The following MTHFD2 variants were observed in gnomAD, a reference collection of about 807,000 sequenced individuals.
MTHFD2 encodes the protein methylenetetrahydrofolate dehydrogenase (NADP+ dependent) 2, methenyltetrahydrofolate cyclohydrolase.
A neutral mutation model predicts 36.8 loss-of-function variants in MTHFD2; 26 were observed. The ratio of observed to expected loss-of-function variants is 0.71; its 90% confidence interval spans 0.52 to 0.98. MTHFD2 has a LOEUF of 0.98. Ranked by LOEUF, MTHFD2 falls within the 50% of genes least tolerant of loss-of-function variation. The probability of loss-of-function intolerance (pLI) is 0.00; values close to 1 mark genes in which losing one functional copy is unlikely to be tolerated. For missense variants in MTHFD2, 373 were observed against 434.0 expected (o/e 0.86, Z 1.25); for synonymous variants, 164 against 155.2 (o/e 1.06, Z -0.42).
chr2:74,211,903 A>G (rs1312720608), intron 7 of MTHFD2, 37 bp downstream of exon 7: 5 of 1,567,294 alleles, frequency 3.2e-6, no homozygotes, highest in East Asian at 2.3e-5. Flanking sequence ...AATGAAATCA[A>G]TAAATACTAC....
chr2:74,212,355 T>A (rs1040078895), intron 7 of MTHFD2, among the ~76,000 whole-genome samples: 9 of 129,720 alleles, frequency 6.9e-5, no homozygotes, highest in African/African-American at 2.7e-4. Flanking sequence ...AGCCTCCACC[T>A]CACAGCTTCA....
intron 4 of MTHFD2, among the ~76,000 whole-genome samples, chr2:74,209,636 A>G (rs1201825309): frequency 1.3e-5 from 2 of 151,712 alleles, no homozygotes; most frequent in South Asian, 2.1e-4. Flanking sequence ...GCCTCAAGCA[A>G]TTCTCCTACC....
At chr2:74,212,164 CCTT>C (rs1301628854) in intron 7 of MTHFD2, among the ~76,000 whole-genome samples, 1 of 122,572 alleles carries the variant, frequency 8.2e-6, no homozygotes, top group Admixed American at 7.8e-5. Context: ...TCCTTCCCTT[CCTT>C]CTTTCTTTCC....
chr2:74,204,011 T>G (rs894397497), intron 1 of MTHFD2, among the ~76,000 whole-genome samples: 2 of 151,996 alleles, frequency 1.3e-5, no homozygotes, highest in Admixed American at 1.3e-4. Context: ...CCTCCTGGGT[T>G]CAAGCAATTC....
intron 3 of MTHFD2, 71 bp downstream of exon 3, chr2:74,207,897 T>TCCCTCC (rs1395854208): frequency 2.1e-6 from 3 of 1,406,874 alleles, no homozygotes. Flanking sequence ...CCTCTCTCTC[T>TCCCTCC]CCCTCCCCAT....
In MTHFD2 at chr2:74,210,785, G is replaced by GTTTTTTTGTTTTTT. The variant is rs1553449044; in HGVS notation, c.671-407_671-406insGTTTTTTTTTTTTT. Among the ~76,000 whole-genome samples, 7 of 132,052 alleles carry GTTTTTTTGTTTTTT rather than the reference G, an allele frequency of 5.3e-5. No individual in the cohort carries two copies. The South Asian group carries it at 1.4e-3, about 26-fold the overall frequency. 86.6% of individuals were successfully genotyped at this position (132,052 alleles called of 152,430 possible). On this transcript the variant is annotated intron_variant, in intron 5 of 7. Coordinates refer to ENST00000394053, the MANE Select transcript of MTHFD2 (RefSeq NM_006636.4). Reference sequence around the variant, plus strand: ...AAACATGGCACAAGCCATTAAGTCAGTTTTTTTTTTTTTTTTTCCTGGAGA... The same window carrying GTTTTTTTGTTTTTT: ...AAACATGGCACAAGCCATTAAGTCAGTTTTTTTGTTTTTTTTTTTTTTTTTTTTTTTCCTGGAGA...
At position 74,215,807 on chromosome 2, in the gene MTHFD2, T is replaced by G. The variant is rs183483844; in HGVS notation, c.*1565T>G. ...TGTTTTTAGTAGAGATGGGGTTTCA[T>G]CACATTGGCCAGGCTGGTCTCAAAC... On this transcript the variant is annotated 3_prime_UTR_variant, in exon 8 of 8. Coordinates refer to ENST00000394053, the MANE Select transcript of MTHFD2 (RefSeq NM_006636.4). 2.6e-5 allele frequency: 4 copies of G among 152,228 alleles called. No individual in the cohort carries two copies. In the East Asian group the frequency reaches 7.7e-4, roughly 29 times the overall value. The allele number at this position is 152,228 out of a possible 1,614,324, so 9.4% of individuals were successfully genotyped here. A position where few individuals can be genotyped will look rare whatever the true frequency, so the allele number is the denominator to read the frequency against.
rs1694447062 is a variant in MTHFD2, at chr2:74,216,462, G to T, written c.*2220G>T. 6.6e-6 allele frequency: 1 copy of T among 152,164 alleles called. No homozygotes were observed. The highest frequency in any genetic ancestry group is 1.5e-5 in the Non-Finnish European group (1 of 68,038). 9.4% of individuals were successfully genotyped at this position (152,164 alleles called of 1,614,324 possible). Reference sequence around the variant, plus strand: ...CCAGCTTGTTTGATTAATCAAGCAGGTTTACTCTTGAATCCATAGCATTTC... The same window carrying T: ...CCAGCTTGTTTGATTAATCAAGCAGTTTTACTCTTGAATCCATAGCATTTC... On this transcript the variant is annotated 3_prime_UTR_variant, in exon 8 of 8. Coordinates refer to ENST00000394053, the MANE Select transcript of MTHFD2 (RefSeq NM_006636.4).
At chr2:74,207,214 C>G (rs1482811292) in intron 2 of MTHFD2, among the ~76,000 whole-genome samples, 1 of 151,762 alleles carries the variant, frequency 6.6e-6, no homozygotes, top group African/African-American at 2.4e-5. Flanking sequence ...CTGCAACCCC[C>G]GCCTCCCAGG....
At chr2:74,202,498 C>T (rs1259041577) in intron 1 of MTHFD2, among the ~76,000 whole-genome samples, 1 of 151,806 alleles carries the variant, frequency 6.6e-6, no homozygotes. Context: ...TTTGTATCAG[C>T]AAAACCCCCC....
intron 7 of MTHFD2, among the ~76,000 whole-genome samples, chr2:74,213,817 C>A (rs1015558218): frequency 9.9e-5 from 15 of 152,134 alleles, no homozygotes; most frequent in Admixed American, 8.5e-4. Flanking sequence ...ACTTACAACT[C>A]CCACACAGTT....
intron 5 of MTHFD2, 31 bp downstream of exon 5, chr2:74,210,080 C>T: frequency 6.4e-7 from 1 of 1,565,568 alleles, no homozygotes; most frequent in Non-Finnish European, 8.8e-7. Context: ...GAACACTGTC[C>T]TTTTTTCCCC....
intron 1 of MTHFD2, among the ~76,000 whole-genome samples, chr2:74,201,044 A>G (rs759980057): frequency 6.6e-6 from 1 of 152,000 alleles, no homozygotes; most frequent in Admixed American, 6.6e-5. Context: ...CTGGAGTGCA[A>G]TGGTGCAATC....
At position 74,210,034 on chromosome 2, in the gene MTHFD2, CATGAACGTCCCGGAGGTAA is replaced by C; in HGVS notation, c.656_670+4del. 1 of 1,612,892 alleles carries C rather than the reference CATGAACGTCCCGGAGGTAA, an allele frequency of 6.2e-7. No individual in the cohort carries two copies. Among genetic ancestry groups the C allele is most frequent in the South Asian group, 1.1e-5 (1 of 90,862 alleles). On this transcript the variant is annotated splice_donor_variant and splice_donor_region_variant and coding_sequence_variant and intron_variant, in exon 5 of 8. Transcript: ENST00000394053. LOFTEE classifies it high-confidence loss of function. ...AATGTTACTGCACACAGATGGGGCG[CATGAACGTCCCGGAGGTAA>C]GGAAATTGCTTTCAGGGAACACTGT...
chr2:74,208,816 C>T, intron 4 of MTHFD2, 95 bp downstream of exon 4: 2 of 1,265,504 alleles, frequency 1.6e-6, no homozygotes, highest in Non-Finnish European at 2.2e-6. Flanking sequence ...AGTGGAAACC[C>T]TACTGCATAT....
rs1232436283 is a variant in MTHFD2, at chr2:74,203,950, G to A, written c.102-1755G>A. ...GTTTTTTGAGATGCAGTCTTTCTCT[G>A]TCGCCCAGGCTAGAGTGCAGTGGGG... On this transcript the variant is annotated intron_variant, in intron 1 of 7. Coordinates refer to ENST00000394053, the MANE Select transcript of MTHFD2 (RefSeq NM_006636.4). Among the ~76,000 whole-genome samples the A allele has an allele frequency of 4.6e-5, 7 of 150,660 alleles. No homozygotes were observed. The East Asian group carries it at 1.2e-3, about 25-fold the overall frequency.
chr2:74,211,743 A>AT lies in MTHFD2; in HGVS notation c.768dup (p.Pro257SerfsTer17), dbSNP rs1217421721. On this transcript the variant is annotated frameshift_variant, in exon 7 of 8. Coordinates refer to ENST00000394053, the MANE Select transcript of MTHFD2 (RefSeq NM_006636.4). LOFTEE classifies it high-confidence loss of function. ...ATCTTTCCTTTCTCCATTTCCAGGT[A>AT]TTCCAAATCTGATCACAGCAGATAT... 1.2e-6 allele frequency: 2 copies of AT among 1,604,204 alleles called. No homozygotes were observed. Among genetic ancestry groups the AT allele is most frequent in the Non-Finnish European group, 1.7e-6 (2 of 1,175,724 alleles).
intron 1 of MTHFD2, among the ~76,000 whole-genome samples, chr2:74,201,105 A>G (rs1267878504): frequency 6.6e-6 from 1 of 152,134 alleles, no homozygotes. Context: ...CTCCTACCTC[A>G]GCCTCCCAAA....
chr2:74,210,784 A>ATTTTTTTTTTTTT (rs1558856574), intron 5 of MTHFD2, among the ~76,000 whole-genome samples: 18 of 85,324 alleles, frequency 2.1e-4, no homozygotes, highest in South Asian at 6.0e-4. Flanking sequence ...CCATTAAGTC[A>ATTTTTTTTTTTTT]GTTTTTTTTT....
Sources: gnomAD v4.1 joint callset for allele counts (sites outside exome capture counted in the v4.1 genomes callset) on GRCh38, gnomAD v4.1.1 for gene constraint, MANE v1.5 for transcripts, NCBI Gene and HGNC (gene_info 2026-07-23, HGNC 2026-07-21) for gene names.